LRBA: variants seen among roughly 807,000 people sequenced by gnomAD.
The protein encoded by LRBA is LPS responsive beige-like anchor protein.
In LRBA, 176 loss-of-function variants were observed where a neutral mutation model predicts 330.0. The observed-to-expected ratio is 0.53, with a 90% CI of 0.47 to 0.60. LRBA has a LOEUF of 0.60. Among genes scored for constraint, LRBA ranks in the 20% least tolerant of loss-of-function variants. LRBA has a pLI of 0.00. For missense variants in LRBA, 3,259 were observed against 3,444.8 expected (o/e 0.95, Z 1.35); for synonymous variants, 1,230 against 1,193.0 (o/e 1.03, Z -0.64).
intron 40 of LRBA, among the ~76,000 whole-genome samples, chr4:150,529,081 A>C (rs1763786725): frequency 6.6e-6 from 1 of 152,234 alleles, no homozygotes; most frequent in Non-Finnish European, 1.5e-5. Context: ...TATGGGTTTA[A>C]AAGATTTCCT....
intron 26 of LRBA, among the ~76,000 whole-genome samples, 153 bp from the exon 27 acceptor site, chr4:150,844,932 C>T (rs1002170259): frequency 6.6e-6 from 1 of 152,196 alleles, no homozygotes; most frequent in Non-Finnish European, 1.5e-5. Context: ...TAGACTTTAT[C>T]GCCTAGTGTT....
chr4:150,860,747 G>A (rs1308943311), intron 22 of LRBA, among the ~76,000 whole-genome samples: 1 of 151,792 alleles, frequency 6.6e-6, no homozygotes, highest in Non-Finnish European at 1.5e-5. Flanking sequence ...AGAATGGCGT[G>A]AACCCAGGAG....
chr4:150,512,410 T>G (rs1284985874), intron 40 of LRBA, among the ~76,000 whole-genome samples: 1 of 152,206 alleles, frequency 6.6e-6, no homozygotes, highest in Non-Finnish European at 1.5e-5. Flanking sequence ...GTTGAAATCC[T>G]AACTTCCAAC....
At chr4:150,952,620 G>T (rs952296522) in intron 2 of LRBA, among the ~76,000 whole-genome samples, 2 of 152,022 alleles carry the variant, frequency 1.3e-5, no homozygotes, top group African/African-American at 4.8e-5. Flanking sequence ...CGTCTATAAG[G>T]CCGTCTGTTT....
intron 36 of LRBA, among the ~76,000 whole-genome samples, chr4:150,706,513 G>A (rs559429934): frequency 1.3e-3 from 203 of 150,880 alleles, no homozygotes; most frequent in Non-Finnish European, 2.5e-3. Flanking sequence ...AAACATATGG[G>A]AATTCCTTTA....
chr4:150,735,761 G>C (rs891374051), intron 35 of LRBA, among the ~76,000 whole-genome samples: 3 of 152,166 alleles, frequency 2.0e-5, no homozygotes, highest in African/African-American at 4.8e-5. Context: ...AGTGAGAACA[G>C]AAAAGCTACA....
intron 17 of LRBA, among the ~76,000 whole-genome samples, chr4:150,883,438 C>A (rs558120612): frequency 1.3e-5 from 2 of 151,984 alleles, no homozygotes; most frequent in Non-Finnish European, 2.9e-5. Context: ...CCAGCCTGGG[C>A]GACAGAGTGA....
rs771266173 is a variant in LRBA at position 150,325,851 on chromosome 4, T to C, written c.7410A>G (p.Leu2470=). ...IRSFGQTPSQ[L]LIEPHPPRGS... ...CTCTGGGAGGATGGGGCTCTATGAG[T>C]AGTTGAGAAGGAGTCTGTCCAAAAC... Residue 2470 remains leucine, a synonymous_variant, in exon 49 of 57, where the codon CTA becomes CTG. Coordinates refer to ENST00000651943, the MANE Select transcript of LRBA (RefSeq NM_001364905.1). 1.9e-6 allele frequency: 3 copies of C among 1,613,236 alleles called. No homozygotes were observed. The highest frequency in any genetic ancestry group is 1.3e-5 in the African/African-American group (1 of 74,786).
chr4:150,916,828 T>C, intron 5 of LRBA, 90 bp from the exon 6 acceptor site: 1 of 983,196 alleles, frequency 1.0e-6, no homozygotes, highest in Non-Finnish European at 1.5e-6. Context: ...CTACATATAT[T>C]TGTACTACAT....
At chr4:150,648,011 T>C (rs68016242) in intron 37 of LRBA, among the ~76,000 whole-genome samples, 117,001 of 150,712 alleles carry the variant, frequency 0.78, 50,311 homozygotes, top group Non-Finnish European at 0.95. Context: ...GTTCTGAGAA[T>C]AGCAGGTATT....
chr4:150,808,181 T>A (rs1578849968), intron 32 of LRBA, 139 bp downstream of exon 32: 2 of 587,278 alleles, frequency 3.4e-6, no homozygotes, highest in Admixed American at 6.5e-5. Flanking sequence ...TCTAAAATGT[T>A]CCCAAGCCTC....
chr4:150,928,879 C>T lies in LRBA; in HGVS notation c.403G>A (p.Glu135Lys), dbSNP rs1344887835. ...TTTTCAATTTTCCCAAGCACTTTTT[C>T]AACAAGGCCTACTTCAGTGCAGACT... ...LQVCTEVGLV[E>K]KVLGKIEKVD... Residue 135 changes from glutamate (E) to lysine (K), a missense_variant, in exon 3 of 57, where the codon GAA (glutamate) becomes AAA (lysine). Transcript: ENST00000651943. 1 of 1,614,018 alleles carries T rather than the reference C, an allele frequency of 6.2e-7. No homozygotes were observed. Among genetic ancestry groups the T allele is most frequent in the South Asian group, 1.1e-5 (1 of 91,052 alleles).
intron 40 of LRBA, among the ~76,000 whole-genome samples, chr4:150,507,001 C>T (rs1761176210): frequency 6.6e-6 from 1 of 151,458 alleles, no homozygotes; most frequent in Admixed American, 6.6e-5. Flanking sequence ...AATAAAATAC[C>T]TAGGAATCCA....
intron 34 of LRBA, among the ~76,000 whole-genome samples, chr4:150,787,659 TACAA>T (rs746313783): frequency 1.3e-5 from 2 of 152,378 alleles, no homozygotes; most frequent in Admixed American, 6.5e-5. Context: ...TCCTTTGTGT[TACAA>T]ACAATCTAAT....
chr4:150,706,546 C>A (rs905286893), intron 36 of LRBA, among the ~76,000 whole-genome samples: 9 of 151,322 alleles, frequency 5.9e-5, no homozygotes, highest in East Asian at 3.9e-4. Context: ...TTCTACCCTT[C>A]CAACTACCAA....
At chr4:150,488,364 T>A (rs984059118) in intron 41 of LRBA, among the ~76,000 whole-genome samples, 1 of 151,664 alleles carries the variant, frequency 6.6e-6, no homozygotes. Context: ...AATGTCTATA[T>A]GTTTATCTTT....
chr4:150,634,978 G>C (rs995716087), intron 37 of LRBA, among the ~76,000 whole-genome samples: 2 of 152,224 alleles, frequency 1.3e-5, no homozygotes, highest in Non-Finnish European at 2.9e-5. Flanking sequence ...GGAAAGGCAA[G>C]CATGCTATGT....
At chr4:150,601,144 C>A (rs1258718072) in intron 37 of LRBA, among the ~76,000 whole-genome samples, 1 of 152,162 alleles carries the variant, frequency 6.6e-6, no homozygotes, top group Non-Finnish European at 1.5e-5. Flanking sequence ...ACCTTTTCTG[C>A]CATCTATCCT....
chr4:150,888,099 A>C (rs1318699099), intron 17 of LRBA, among the ~76,000 whole-genome samples: 6 of 152,160 alleles, frequency 3.9e-5, no homozygotes, highest in Non-Finnish European at 8.8e-5. Flanking sequence ...CATGGACACC[A>C]GCCAACAGAA....
Sources: allele counts gnomAD v4.1 joint callset (sites outside exome capture counted in the v4.1 genomes callset), GRCh38; gene constraint gnomAD v4.1.1; transcripts MANE v1.5; gene names NCBI Gene and HGNC (gene_info 2026-07-23, HGNC 2026-07-21).